SLC2A13: variants seen among roughly 807,000 people sequenced by gnomAD.
SLC2A13 encodes solute carrier family 2 member 13.
Under a neutral mutation model 64.4 loss-of-function variants are expected in SLC2A13, and 32 were observed. The observed-to-expected ratio is 0.50, with a 90% CI of 0.37 to 0.67. SLC2A13 has a LOEUF of 0.67. Ranked by LOEUF, SLC2A13 falls within the 30% of genes least tolerant of loss-of-function variation. The pLI is 0.00. For missense variants in SLC2A13, 743 were observed against 829.2 expected (o/e 0.90, Z 1.28); for synonymous variants, 338 against 327.1 (o/e 1.03, Z -0.36).
intron 4 of SLC2A13, among the ~76,000 whole-genome samples, chr12:39,877,646 T>C (rs372456252): frequency 5.9e-5 from 9 of 152,206 alleles, no homozygotes; most frequent in African/African-American, 2.2e-4. Context: ...AGTCAGGTCA[T>C]GGACTTGTGG....
At chr12:39,911,042 C>A (rs1256029368) in intron 4 of SLC2A13, among the ~76,000 whole-genome samples, 1 of 152,022 alleles carries the variant, frequency 6.6e-6, no homozygotes, top group African/African-American at 2.4e-5. Context: ...CAAGATCGTG[C>A]CACTGCATTC....
At chr12:40,003,001 T>C (rs1256352324) in intron 3 of SLC2A13, among the ~76,000 whole-genome samples, 3 of 152,220 alleles carry the variant, frequency 2.0e-5, no homozygotes, top group Non-Finnish European at 2.9e-5. Context: ...GCCCTCACGC[T>C]AGGCGTATTG....
intron 7 of SLC2A13, among the ~76,000 whole-genome samples, chr12:39,789,947 T>C (rs772242007): frequency 6.6e-6 from 1 of 152,078 alleles, no homozygotes; most frequent in African/African-American, 2.4e-5. Flanking sequence ...ATCTTTAATA[T>C]ACAACATGAG....
intron 4 of SLC2A13, among the ~76,000 whole-genome samples, chr12:39,879,362 A>C (rs1431801148): frequency 6.6e-6 from 1 of 152,084 alleles, no homozygotes; most frequent in Non-Finnish European, 1.5e-5. Context: ...GGCAGCTTGC[A>C]CCCTGCGTCT....
At chr12:39,895,551 T>C (rs11174174) in intron 4 of SLC2A13, among the ~76,000 whole-genome samples, 62,550 of 66,740 alleles carry the variant, frequency 0.94, 29,435 homozygotes, top group Middle Eastern at 0.98. Flanking sequence ...TATATATATA[T>C]ACACACACAC....
intron 4 of SLC2A13, among the ~76,000 whole-genome samples, chr12:39,897,047 A>G (rs1352713762): frequency 6.6e-6 from 1 of 152,178 alleles, no homozygotes; most frequent in Non-Finnish European, 1.5e-5. Flanking sequence ...CCTTAGTTCA[A>G]TGCTTATTTT....
At chr12:40,094,490 G>A (rs1208213429) in intron 1 of SLC2A13, among the ~76,000 whole-genome samples, 1 of 152,146 alleles carries the variant, frequency 6.6e-6, no homozygotes. Context: ...AAAAGCCAAA[G>A]AAAATGGCCC....
At chr12:40,042,959 G>GA (rs58322891) in intron 2 of SLC2A13, among the ~76,000 whole-genome samples, 2,042 of 111,416 alleles carry the variant, frequency 0.018, 55 homozygotes, top group East Asian at 0.063. Flanking sequence ...GCATAAGAAT[G>GA]AAAAAAAAAA....
intron 6 of SLC2A13, among the ~76,000 whole-genome samples, chr12:39,858,423 G>T (rs781252480): frequency 6.6e-6 from 1 of 151,922 alleles, no homozygotes; most frequent in Non-Finnish European, 1.5e-5. Flanking sequence ...AATTGAAACA[G>T]ATTCATTTTA....
chr12:39,821,606 T>C (rs1942512077), intron 7 of SLC2A13, among the ~76,000 whole-genome samples: 1 of 152,158 alleles, frequency 6.6e-6, no homozygotes, highest in Non-Finnish European at 1.5e-5. Flanking sequence ...CACATTTTCT[T>C]CACCCTGTGA....
At chr12:39,940,229 C>T (rs1945996206) in intron 4 of SLC2A13, among the ~76,000 whole-genome samples, 1 of 152,150 alleles carries the variant, frequency 6.6e-6, no homozygotes. Flanking sequence ...TGCTCTAATA[C>T]ATTCATCCTG....
intron 7 of SLC2A13, among the ~76,000 whole-genome samples, chr12:39,810,304 A>C (rs1566816505): frequency 6.6e-6 from 1 of 152,244 alleles, no homozygotes; most frequent in East Asian, 1.9e-4. Flanking sequence ...TGATATAATT[A>C]GCCTTTAAAA....
At chr12:39,985,501 A>G (rs1947015288) in intron 3 of SLC2A13, among the ~76,000 whole-genome samples, 1 of 152,164 alleles carries the variant, frequency 6.6e-6, no homozygotes, top group South Asian at 2.1e-4. Flanking sequence ...AAGTATCAAA[A>G]GAGAAATGAA....
At chr12:39,865,290 A>T (rs188688311) in intron 5 of SLC2A13, among the ~76,000 whole-genome samples, 1 of 152,352 alleles carries the variant, frequency 6.6e-6, no homozygotes, top group East Asian at 1.9e-4. Flanking sequence ...TTTGGTGCCA[A>T]GAAAATTCTT....
rs117912447 is a variant in SLC2A13, at chr12:39,830,648, C to G, written c.1320-420G>C. ...CTCAATTGTCTACCTCATACACCAT[C>G]TATTTTAAAAAATGAAAATAGTTTT... On this transcript the variant is annotated intron_variant, in intron 6 of 9. Transcript: ENST00000280871. 6.8e-3 allele frequency among the ~76,000 whole-genome samples: 1,037 copies of G among 152,218 alleles called. 9 individuals carry two copies. Among genetic ancestry groups the G allele is most frequent in the Middle Eastern group, 0.014 (4 of 294 alleles).
intron 1 of SLC2A13, among the ~76,000 whole-genome samples, chr12:40,076,079 A>G (rs996678431): frequency 2.6e-5 from 4 of 152,166 alleles, no homozygotes; most frequent in African/African-American, 9.7e-5. Context: ...CTTTTCCCTT[A>G]GCAACTTGTC....
chr12:39,961,630 TTGAGACCACAGGCACA>T (rs1009191917), intron 3 of SLC2A13, among the ~76,000 whole-genome samples: 3 of 151,788 alleles, frequency 2.0e-5, no homozygotes, highest in Non-Finnish European at 4.4e-5. Context: ...TCCCGAGTAG[TTGAGACCACAGGCACA>T]TGCCATCACA....
At chr12:39,885,598 T>C (rs1944447452) in intron 4 of SLC2A13, among the ~76,000 whole-genome samples, 1 of 152,102 alleles carries the variant, frequency 6.6e-6, no homozygotes, top group African/African-American at 2.4e-5. Context: ...GAATATTATA[T>C]TACCACCGAA....
chr12:39,968,611 C>A (rs547143553), intron 3 of SLC2A13, among the ~76,000 whole-genome samples: 2 of 151,896 alleles, frequency 1.3e-5, no homozygotes, highest in Non-Finnish European at 2.9e-5. Context: ...TCCTTGCCTG[C>A]CAATCAATCC....
Sources: gnomAD v4.1 joint callset for allele counts (sites outside exome capture counted in the v4.1 genomes callset) on GRCh38, gnomAD v4.1.1 for gene constraint, MANE v1.5 for transcripts, NCBI Gene and HGNC (gene_info 2026-07-23, HGNC 2026-07-21) for gene names.